AMER3: variants seen among roughly 807,000 people sequenced by gnomAD.
AMER3 encodes the protein APC membrane recruitment protein 3.
For missense variants in AMER3, 1,201 were observed against 1,139.4 expected, an observed-to-expected ratio of 1.05 and a Z score of -0.78; for synonymous variants, 541 against 485.5, an observed-to-expected ratio of 1.11 and a Z score of -1.50.
intron 1 of AMER3, among the ~76,000 whole-genome samples, chr2:130,756,890 C>T (rs1171924840): frequency 6.6e-6 from 1 of 151,834 alleles, no homozygotes; most frequent in East Asian, 1.9e-4. Flanking sequence ...ACAAGGCAGC[C>T]TACTACTGAG....
intron 1 of AMER3, among the ~76,000 whole-genome samples, chr2:130,761,208 C>T (rs1022996372): frequency 6.6e-6 from 1 of 152,178 alleles, no homozygotes; most frequent in African/African-American, 2.4e-5. Flanking sequence ...GGGCCGGATG[C>T]CCTAACTGGG....
At position 130,766,260 on chromosome 2, in the gene AMER3, C is replaced by T. The variant is rs1678980156; in HGVS notation, c.*1602C>T. The T allele has an allele frequency of 6.0e-6, 1 of 167,008 alleles. No individual in the cohort carries two copies. Among genetic ancestry groups the T allele is most frequent in the African/African-American group, 2.4e-5 (1 of 41,434 alleles). 10.3% of individuals were successfully genotyped at this position (167,008 alleles called of 1,614,324 possible). On this transcript the variant is annotated 3_prime_UTR_variant, in exon 2 of 2. Coordinates refer to ENST00000321420, the MANE Select transcript of AMER3 (RefSeq NM_152698.3). Reference sequence around the variant, plus strand: ...GTGGGGGAGCCGACCTTAGGAGGGCCCACTGAACCGGCCTCAATCTGGCCC... The same window carrying T: ...GTGGGGGAGCCGACCTTAGGAGGGCTCACTGAACCGGCCTCAATCTGGCCC...
In AMER3 at chr2:130,763,147, C is replaced by G. The variant is rs1246251207; in HGVS notation, c.1075C>G (p.Arg359Gly). 6.2e-7 allele frequency: 1 copy of G among 1,613,434 alleles called. No homozygotes were observed. Among genetic ancestry groups the G allele is most frequent in the East Asian group, 2.2e-5 (1 of 44,868 alleles). ...ELPLCPCRDP[R>G]SGSKASSIDT... ...GCCCCTCTGCCCCTGCAGGGACCCT[C>G]GCAGCGGCTCCAAAGCCAGCTCCAT... The change falls in exon 2 of 2, where the codon CGC (arginine) becomes GGC (glycine). Residue 359 changes from arginine to glycine, a missense_variant. Transcript: ENST00000321420.
rs754291054 is a variant in AMER3, at chr2:130,764,545, G to T, written c.2473G>T (p.Val825Phe). Residue 825 changes from valine (V) to phenylalanine (F), a missense_variant, in exon 2 of 2, where the codon GTC (valine) becomes TTC (phenylalanine). By Grantham distance (50) the Val-to-Phe change is conservative (BLOSUM62 -1). Transcript: ENST00000321420. The stretch of plus-strand genomic sequence containing the variant: ...TTTGAACAGCCAGCAGGAAGGGGGG[G>T]TCTCTGCAAGTGCCCCAGAATGCCG... ...LTLNSQQEGG[V>F]SASAPECRCS... 5.6e-6 allele frequency: 9 copies of T among 1,603,780 alleles called. No homozygotes were observed. The highest frequency in any genetic ancestry group is 4.0e-5 in the African/African-American group (3 of 74,946).
At chr2:130,760,581 A>G (rs1173099621) in intron 1 of AMER3, among the ~76,000 whole-genome samples, 2 of 152,160 alleles carry the variant, frequency 1.3e-5, no homozygotes, top group East Asian at 3.9e-4. Context: ...TGGAGAGGCG[A>G]AGGAGCCAGC....
chr2:130,760,948 C>T (rs1678760041), intron 1 of AMER3, among the ~76,000 whole-genome samples: 1 of 152,114 alleles, frequency 6.6e-6, no homozygotes, highest in South Asian at 2.1e-4. Flanking sequence ...TTCTCTATCC[C>T]TGCTGTCGGT....
rs750523251 is a variant in AMER3, at chr2:130,762,302, G to C, written c.230G>C (p.Gly77Ala). The C allele has an allele frequency of 1.3e-5, 21 of 1,600,868 alleles. No individual in the cohort carries two copies. In the South Asian group the frequency reaches 1.7e-4, roughly 13 times the overall value. The change falls in exon 2 of 2, where the codon GGA becomes GCA. Residue 77 changes from glycine to alanine, a missense_variant. Transcript: ENST00000321420. ...GGGGCGCAGCTGGACCCCAAAGGGG[G>C]ACCCGCAGCCCTCTGTGGAGCCACC... Reference protein sequence around the residue: ...NKGAQLDPKGGPAALCGATFK... With the variant: ...NKGAQLDPKGAPAALCGATFK...
rs1678994283 is a variant in AMER3 at position 130,766,764 on chromosome 2, C to T, written c.*2106C>T. The T allele has an allele frequency of 6.0e-6, 1 of 166,478 alleles. No individual in the cohort carries two copies. Among genetic ancestry groups the T allele is most frequent in the Non-Finnish European group, 1.5e-5 (1 of 68,154 alleles). 10.3% of individuals were successfully genotyped at this position (166,478 alleles called of 1,614,324 possible). A position where few individuals can be genotyped will look rare whatever the true frequency, so the allele number is the denominator to read the frequency against. ...AATGTCTCAAAATCTCAGCCTCCCA[C>T]AGTGCTGGATGACAGGAGTGAGCCA... is the stretch of plus-strand genomic sequence containing the variant. On this transcript the variant is annotated 3_prime_UTR_variant, in exon 2 of 2. Coordinates refer to ENST00000321420, the MANE Select transcript of AMER3 (RefSeq NM_152698.3).
At chr2:130,760,923 G>T (rs575495252) in intron 1 of AMER3, among the ~76,000 whole-genome samples, 30 of 128,122 alleles carry the variant, frequency 2.3e-4, no homozygotes, top group African/African-American at 8.4e-4. Flanking sequence ...TTGGCCTTCA[G>T]AACTCCCTGC....
rs549719246 is a variant in AMER3 at position 130,762,878 on chromosome 2, C to T, written c.806C>T (p.Pro269Leu). 45 of 1,613,266 alleles carry T rather than the reference C, an allele frequency of 2.8e-5. No homozygotes were observed. In the Admixed American group the frequency reaches 3.2e-4, roughly 11 times the overall value. The change falls in exon 2 of 2, where the codon CCG (proline) becomes CTG (leucine). Residue 269 changes from proline (P) to leucine (L), a missense_variant. Pro to Leu is a moderately conservative substitution (Grantham distance 98). Coordinates refer to ENST00000321420, the MANE Select transcript of AMER3 (RefSeq NM_152698.3). ...SVPSLELNEG[P>L]ESPTQAAQGL... ...CCATCTCTGGAGCTGAACGAGGGCC[C>T]GGAGAGCCCAACCCAGGCTGCTCAG...
rs1458874181 is a variant in AMER3 at position 130,767,379 on chromosome 2, C to T, written c.*2721C>T. On this transcript the variant is annotated 3_prime_UTR_variant, in exon 2 of 2. Transcript: ENST00000321420. ...GCAAAGTGCTAGGGAAATCCCATCT[C>T]ATGCAGAGCTCCCACCAAGAGGAGC... 1 of 166,576 alleles carries T rather than the reference C, an allele frequency of 6.0e-6. No homozygotes were observed. Among genetic ancestry groups the T allele is most frequent in the Non-Finnish European group, 1.5e-5 (1 of 68,066 alleles). The allele number at this position is 166,576 out of a possible 1,614,324, so 10.3% of individuals were successfully genotyped here.
chr2:130,757,657 G>A (rs1445701766), intron 1 of AMER3, among the ~76,000 whole-genome samples: 1 of 152,174 alleles, frequency 6.6e-6, no homozygotes, highest in Non-Finnish European at 1.5e-5. Context: ...TGGAATATGT[G>A]TCCAATGTCT....
At position 130,763,729 on chromosome 2, in the gene AMER3, G is replaced by A; in HGVS notation, c.1657G>A (p.Asp553Asn). The A allele has an allele frequency of 1.3e-6, 2 of 1,578,380 alleles. No individual in the cohort carries two copies. Among genetic ancestry groups the A allele is most frequent in the Non-Finnish European group, 8.6e-7 (1 of 1,164,440 alleles). The change falls in exon 2 of 2, where the codon GAT becomes AAT. Residue 553 changes from aspartate to asparagine, a missense_variant. Coordinates refer to ENST00000321420, the MANE Select transcript of AMER3 (RefSeq NM_152698.3). ...KLGGREGLASDAGGATVCSAP... is the reference protein window; with the variant it reads ...KLGGREGLASNAGGATVCSAP... ...GGGGGGCAGGGAGGGCCTGGCCTCAGATGCAGGGGGGGCGACAGTTTGCTC... is the reference window on the plus strand; with the variant it reads ...GGGGGGCAGGGAGGGCCTGGCCTCAAATGCAGGGGGGGCGACAGTTTGCTC...
chr2:130,762,539 C>A lies in AMER3; in HGVS notation c.467C>A (p.Pro156His). Residue 156 changes from proline (P) to histidine (H), a missense_variant, in exon 2 of 2, where the codon CCC (proline) becomes CAC (histidine). Pro to His is a moderately conservative substitution (Grantham distance 77). Transcript: ENST00000321420. The part of the protein sequence containing the change: ...IPRKRISLKR[P>H]KKCFRNLFHI... The stretch of plus-strand genomic sequence containing the variant: ...AGGAAGAGGATTTCCCTGAAGAGGC[C>A]CAAGAAGTGCTTTCGGAACCTATTC... 8 of 1,613,480 alleles carry A rather than the reference C, an allele frequency of 5.0e-6. No homozygotes were observed. Among genetic ancestry groups the A allele is most frequent in the Non-Finnish European group, 6.8e-6 (8 of 1,180,014 alleles).
At position 130,762,962 on chromosome 2, in the gene AMER3, C is replaced by T. The variant is rs765739381; in HGVS notation, c.890C>T (p.Ser297Leu). ...PLQGSVEQLA[S>L]PAQNEASDFT... Reference sequence around the variant, plus strand: ...CAGGGCAGTGTGGAGCAGCTGGCCTCGCCCGCCCAGAATGAAGCCTCTGAC... The same window carrying T: ...CAGGGCAGTGTGGAGCAGCTGGCCTTGCCCGCCCAGAATGAAGCCTCTGAC... Residue 297 changes from serine (S) to leucine (L), a missense_variant, in exon 2 of 2, where the codon TCG (serine) becomes TTG (leucine). Ser to Leu is a moderately radical substitution (Grantham distance 145, BLOSUM62 -2). Coordinates refer to ENST00000321420, the MANE Select transcript of AMER3 (RefSeq NM_152698.3). 1.4e-5 allele frequency: 23 copies of T among 1,612,996 alleles called. No individual in the cohort carries two copies. The highest frequency in any genetic ancestry group is 1.5e-5 in the Non-Finnish European group (18 of 1,179,932).
At chr2:130,758,729 G>A (rs1034897137) in intron 1 of AMER3, among the ~76,000 whole-genome samples, 3 of 152,244 alleles carry the variant, frequency 2.0e-5, no homozygotes, top group African/African-American at 7.2e-5. Context: ...CACCCGAAGG[G>A]TAGGGACGGG....
rs1678839024 is a variant in AMER3 at position 130,762,868 on chromosome 2, A to G, written c.796A>G (p.Asn266Asp). The change falls in exon 2 of 2, where the codon AAC (asparagine) becomes GAC (aspartate). Residue 266 changes from asparagine (N) to aspartate (D), a missense_variant. Physicochemically the swap from Asn to Asp is conservative, Grantham distance 23. Transcript: ENST00000321420. ...GAGCTCGGTGCCATCTCTGGAGCTG[A>G]ACGAGGGCCCGGAGAGCCCAACCCA... ...DESSVPSLEL[N>D]EGPESPTQAA... 6.2e-7 allele frequency: 1 copy of G among 1,613,318 alleles called. No individual in the cohort carries two copies.
chr2:130,762,901 C>G lies in AMER3; in HGVS notation c.829C>G (p.Gln277Glu), dbSNP rs771019437. 6.2e-7 allele frequency: 1 copy of G among 1,613,152 alleles called. No individual in the cohort carries two copies. Among genetic ancestry groups the G allele is most frequent in the Non-Finnish European group, 8.5e-7 (1 of 1,179,882 alleles). Residue 277 changes from glutamine to glutamate, a missense_variant, in exon 2 of 2, where the codon CAG becomes GAG. Transcript: ENST00000321420. ...CCCGGAGAGCCCAACCCAGGCTGCTCAGGGCCTGGAGAGCAAGGTTCCCAG... is the reference window on the plus strand; with the variant it reads ...CCCGGAGAGCCCAACCCAGGCTGCTGAGGGCCTGGAGAGCAAGGTTCCCAG... ...EGPESPTQAAQGLESKVPRGP... is the reference protein window; with the variant it reads ...EGPESPTQAAEGLESKVPRGP...
In AMER3 at chr2:130,762,365, T is replaced by C. The variant is rs1048565269; in HGVS notation, c.293T>C (p.Met98Thr). Residue 98 changes from methionine to threonine, a missense_variant, in exon 2 of 2, where the codon ATG (methionine) becomes ACG (threonine). Physicochemically the swap from Met to Thr is moderately conservative, Grantham distance 81. Transcript: ENST00000321420. Reference sequence around the variant, plus strand: ...CGAAAGTGCAAGACTCACGACAGCATGTCTGGGGCAGGCAGGGCCACGGCT... The same window carrying C: ...CGAAAGTGCAAGACTCACGACAGCACGTCTGGGGCAGGCAGGGCCACGGCT... ...PVRKCKTHDS[M>T]SGAGRATAAT... 4 of 1,612,286 alleles carry C rather than the reference T, an allele frequency of 2.5e-6. No homozygotes were observed. The highest frequency in any genetic ancestry group is 2.2e-5 in the East Asian group (1 of 44,844).
Sources: gnomAD v4.1 joint callset for allele counts (sites outside exome capture counted in the v4.1 genomes callset) on GRCh38, gnomAD v4.1.1 for gene constraint, MANE v1.5 for transcripts, NCBI Gene and HGNC (gene_info 2026-07-23, HGNC 2026-07-21) for gene names.